The following FRAS1 variants were observed in gnomAD, a reference collection of about 807,000 sequenced individuals.
FRAS1 encodes the protein extracellular matrix organizing protein FRAS1.
Under a neutral mutation model 435.2 loss-of-function variants are expected in FRAS1, and 290 were observed. That is an observed-to-expected ratio of 0.67 (90% CI 0.61 to 0.73). The LOEUF (loss-of-function observed/expected upper bound fraction) is 0.73, where lower values mean the gene tolerates loss of function less well. Ranked by LOEUF, FRAS1 falls within the 30% of genes least tolerant of loss-of-function variation. The pLI, the probability that FRAS1 is intolerant of heterozygous loss-of-function variation, is 0.00. For synonymous variants in FRAS1, 1,800 were observed against 1,851.0 expected (o/e 0.97, Z 0.71); for missense variants, 4,860 against 5,001.5 (o/e 0.97, Z 0.85).
Position 78,101,300 on chromosome 4 carries a change from T to C in FRAS1, c.108+35284T>C, listed in dbSNP as rs563283432. On this transcript the variant is annotated intron_variant, in intron 2 of 73. Coordinates refer to ENST00000512123, the MANE Select transcript of FRAS1 (RefSeq NM_025074.7). ...GGCAGTCTTCGGATTAGAACACCTTTGTGCTTGCTTTTGCTTCAACATTTA... is the reference window on the plus strand; with the variant it reads ...GGCAGTCTTCGGATTAGAACACCTTCGTGCTTGCTTTTGCTTCAACATTTA... Among the ~76,000 whole-genome samples the C allele has an allele frequency of 1.2e-4, 18 of 152,344 alleles. No individual in the cohort carries two copies. The South Asian group carries it at 3.5e-3, about 30-fold the overall frequency.
At chr4:78,464,775 T>A (rs984824543) in intron 49 of FRAS1, among the ~76,000 whole-genome samples, 192 bp downstream of exon 49, 2 of 152,206 alleles carry the variant, frequency 1.3e-5, no homozygotes, top group African/African-American at 4.8e-5. Flanking sequence ...GAGATCAAAT[T>A]GTTTTTAAAC....
intron 2 of FRAS1, among the ~76,000 whole-genome samples, chr4:78,108,519 A>G (rs1350832371): frequency 2.0e-5 from 2 of 98,592 alleles, no homozygotes; most frequent in Non-Finnish European, 4.0e-5. Context: ...TAACGAAATG[A>G]AGGCAGAAAT....
intron 30 of FRAS1, among the ~76,000 whole-genome samples, chr4:78,404,546 C>G (rs1280621191): frequency 1.3e-5 from 2 of 152,156 alleles, no homozygotes; most frequent in Non-Finnish European, 2.9e-5. Flanking sequence ...AACCCTTCAT[C>G]TTCCCTCCAA....
chr4:78,202,805 G>A (rs372044926), intron 2 of FRAS1, among the ~76,000 whole-genome samples: 1 of 152,212 alleles, frequency 6.6e-6, no homozygotes, highest in East Asian at 1.9e-4. Flanking sequence ...CCACACCCAC[G>A]TGTTAAGCAC....
chr4:78,127,712 G>A (rs1719444045), intron 2 of FRAS1, among the ~76,000 whole-genome samples: 1 of 151,924 alleles, frequency 6.6e-6, no homozygotes, highest in South Asian at 2.1e-4. Context: ...TTAGAGGAAG[G>A]ATGATGAAGT....
intron 20 of FRAS1, chr4:78,338,043 G>A (rs920831686): frequency 2.0e-6 from 1 of 505,290 alleles, no homozygotes. Flanking sequence ...GAAAATCTCA[G>A]ACTCTCATAT....
At chr4:78,502,244 A>T (rs986275103) in intron 61 of FRAS1, among the ~76,000 whole-genome samples, 7 of 152,132 alleles carry the variant, frequency 4.6e-5, no homozygotes, top group African/African-American at 9.7e-5. Flanking sequence ...GTTTTTTTCC[A>T]ATTCTGTGAA....
chr4:78,364,145 T>C (rs1731180947), intron 22 of FRAS1, 91 bp downstream of exon 22: 1 of 1,352,578 alleles, frequency 7.4e-7, no homozygotes, highest in African/African-American at 1.5e-5. Context: ...ACTTCCATCT[T>C]CTCACCTGGT....
At chr4:78,074,701 G>T (rs1258197466) in intron 2 of FRAS1, among the ~76,000 whole-genome samples, 1 of 152,080 alleles carries the variant, frequency 6.6e-6, no homozygotes, top group African/African-American at 2.4e-5. Context: ...AGTGTGACTT[G>T]TGGCCAATGA....
chr4:78,468,250 A>G (rs1719593666), intron 50 of FRAS1, among the ~76,000 whole-genome samples: 1 of 152,108 alleles, frequency 6.6e-6, no homozygotes, highest in Non-Finnish European at 1.5e-5. Flanking sequence ...TGATTTTTGT[A>G]TGTGGTGAGA....
chr4:78,135,525 A>G (rs1320508983), intron 2 of FRAS1, among the ~76,000 whole-genome samples: 1 of 152,234 alleles, frequency 6.6e-6, no homozygotes, highest in Non-Finnish European at 1.5e-5. Context: ...TGTAAGCATA[A>G]GAGGGATGGA....
intron 4 of FRAS1, 42 bp downstream of exon 4, chr4:78,245,367 T>G (rs969181879): frequency 7.5e-7 from 1 of 1,339,610 alleles, no homozygotes; most frequent in African/African-American, 1.4e-5. Context: ...TGTCTGCAGA[T>G]CTCTGACAAG....
At chr4:78,390,099 C>T (rs1191790063) in intron 29 of FRAS1, among the ~76,000 whole-genome samples, 1 of 152,192 alleles carries the variant, frequency 6.6e-6, no homozygotes, top group African/African-American at 2.4e-5. Context: ...GACTGCAATA[C>T]TGGCAACATT....
chr4:78,119,371 A>G (rs1292372110), intron 2 of FRAS1, among the ~76,000 whole-genome samples: 3 of 152,110 alleles, frequency 2.0e-5, no homozygotes, highest in African/African-American at 7.2e-5. Context: ...AGTATTCTTT[A>G]TCCTACTTTT....
intron 20 of FRAS1, among the ~76,000 whole-genome samples, chr4:78,354,546 C>A (rs1159857452): frequency 6.6e-6 from 1 of 152,080 alleles, no homozygotes. Flanking sequence ...AAGCAGAAAC[C>A]CATCAATTTT....
intron 2 of FRAS1, among the ~76,000 whole-genome samples, chr4:78,109,019 G>C (rs1338655657): frequency 1.0e-4 from 5 of 48,662 alleles, no homozygotes; most frequent in Non-Finnish European, 1.8e-4. Flanking sequence ...TACATTCCTC[G>C]ACACATACAC....
intron 36 of FRAS1, 48 bp downstream of exon 36, chr4:78,429,274 T>C (rs936118930): frequency 7.0e-6 from 11 of 1,566,428 alleles, no homozygotes; most frequent in Non-Finnish European, 8.7e-6. Flanking sequence ...AATGGGATCA[T>C]ATTGCTGCCC....
At chr4:78,197,410 G>A (rs1316970399) in intron 2 of FRAS1, among the ~76,000 whole-genome samples, 1 of 152,180 alleles carries the variant, frequency 6.6e-6, no homozygotes, top group Non-Finnish European at 1.5e-5. Context: ...GTCACAATTA[G>A]TTTTTTTAAT....
intron 14 of FRAS1, among the ~76,000 whole-genome samples, chr4:78,296,203 G>C (rs1195109438): frequency 6.6e-6 from 1 of 150,966 alleles, no homozygotes; most frequent in African/African-American, 2.4e-5. Flanking sequence ...TCTCCTGTTT[G>C]GTTTGCATAT....
Sources: allele counts gnomAD v4.1 joint callset (sites outside exome capture counted in the v4.1 genomes callset), GRCh38; gene constraint gnomAD v4.1.1; transcripts MANE v1.5; gene names NCBI Gene and HGNC (gene_info 2026-07-23, HGNC 2026-07-21).